The following SLCO1B3 variants were observed in gnomAD, a reference collection of about 807,000 sequenced individuals.
SLCO1B3 encodes the protein solute carrier organic anion transporter family member 1B3, also known as liver-specific organic anion transporter 2.
Under a neutral mutation model 71.8 loss-of-function variants are expected in SLCO1B3, and 72 were observed. The ratio of observed to expected loss-of-function variants is 1.00; its 90% confidence interval spans 0.83 to 1.22. The LOEUF (loss-of-function observed/expected upper bound fraction) is 1.22, where lower values mean the gene tolerates loss of function less well. SLCO1B3 is among the 50% of genes most tolerant of loss of function. The pLI, the probability that SLCO1B3 is intolerant of heterozygous loss-of-function variation, is 0.00. For synonymous variants in SLCO1B3, 298 were observed against 278.4 expected, an observed-to-expected ratio of 1.07 and a Z score of -0.70; for missense variants, 911 against 819.7, an observed-to-expected ratio of 1.11 and a Z score of -1.36.
chr12:20,862,901 A>G, intron 8 of SLCO1B3, 47 bp downstream of exon 8: 1 of 984,474 alleles, frequency 1.0e-6, no homozygotes, highest in Non-Finnish European at 1.6e-6. Flanking sequence ...TTTTAAGTGC[A>G]GGACACCATT....
intron 14 of SLCO1B3, among the ~76,000 whole-genome samples, chr12:20,900,467 C>A (rs1866106663): frequency 6.6e-6 from 1 of 152,070 alleles, no homozygotes; most frequent in Non-Finnish European, 1.5e-5. Flanking sequence ...ATTACCTATT[C>A]TTAAAACTAG....
At chr12:20,825,379 A>G (rs1864399498) in intron 3 of SLCO1B3, among the ~76,000 whole-genome samples, 1 of 152,066 alleles carries the variant, frequency 6.6e-6, no homozygotes, top group African/African-American at 2.4e-5. Flanking sequence ...GTGTCTCATG[A>G]ATGCAGTTTA....
intron 13 of SLCO1B3, among the ~76,000 whole-genome samples, chr12:20,891,748 A>T (rs1051405804): frequency 6.6e-6 from 1 of 151,990 alleles, no homozygotes; most frequent in Admixed American, 6.6e-5. Flanking sequence ...TATTTTTCCT[A>T]CCAAGTTTAT....
At chr12:20,850,268 A>T (rs1336269679) in intron 3 of SLCO1B3, among the ~76,000 whole-genome samples, 1 of 139,612 alleles carries the variant, frequency 7.2e-6, no homozygotes, top group Non-Finnish European at 1.6e-5. Context: ...TTATTTATTT[A>T]TTTATTTATT....
At chr12:20,827,675 G>A (rs932281276) in intron 3 of SLCO1B3, among the ~76,000 whole-genome samples, 2 of 151,946 alleles carry the variant, frequency 1.3e-5, no homozygotes, top group Non-Finnish European at 2.9e-5. Context: ...GGGTTCAAGC[G>A]ATTCTTCTGC....
At chr12:20,836,220 C>T (rs975832523) in intron 3 of SLCO1B3, among the ~76,000 whole-genome samples, 3 of 152,148 alleles carry the variant, frequency 2.0e-5, no homozygotes, top group Non-Finnish European at 4.4e-5. Context: ...GATGAGATTT[C>T]AGTGGGGACG....
chr12:20,845,400 C>A (rs74065203), intron 3 of SLCO1B3: 2 of 192,974 alleles, frequency 1.0e-5, no homozygotes, highest in Non-Finnish European at 2.1e-5. Context: ...GGACTCTCAT[C>A]CCAAGACCTA....
rs370172063 is a variant in SLCO1B3 at position 20,815,860 on chromosome 12, A to G, written c.84+38A>G. On this transcript the variant is annotated intron_variant, in intron 3 of 15. Coordinates refer to ENST00000381545, the MANE Select transcript of SLCO1B3 (RefSeq NM_019844.4). ...TTATATTTTCAAACTAAAATAAGTT[A>G]ATGGAAAATTTTTATGTATAGAAAG... The G allele has an allele frequency of 1.7e-4, 229 of 1,380,924 alleles. No homozygotes were observed. In the African/African-American group the frequency reaches 3.0e-3, roughly 18 times the overall value. 85.5% of individuals were successfully genotyped at this position (1,380,924 alleles called of 1,614,324 possible). A position where few individuals can be genotyped will look rare whatever the true frequency, so the allele number is the denominator to read the frequency against.
At chr12:20,912,934 C>T (rs1866414796) in intron 15 of SLCO1B3, among the ~76,000 whole-genome samples, 1 of 151,846 alleles carries the variant, frequency 6.6e-6, no homozygotes, top group African/African-American at 2.4e-5. Flanking sequence ...GCCTTGGCCT[C>T]CCAAAGTGCT....
chr12:20,916,081 A>C lies in SLCO1B3; in HGVS notation c.1943A>C (p.Lys648Thr), dbSNP rs200774414. The C allele has an allele frequency of 8.1e-6, 13 of 1,613,008 alleles. No individual in the cohort carries two copies. Among genetic ancestry groups the C allele is most frequent in the Non-Finnish European group, 1.0e-5 (12 of 1,179,332 alleles). The change falls in exon 16 of 16, where the codon AAG (lysine) becomes ACG (threonine). Residue 648 changes from lysine (K) to threonine (T), a missense_variant. Coordinates refer to ENST00000381545, the MANE Select transcript of SLCO1B3 (RefSeq NM_019844.4). ...VLYIVFIFAM[K>T]KKFQGKDTKA... Reference sequence around the variant, plus strand: ...TATATTGTTTTCATTTTTGCTATGAAGAAAAAATTTCAAGGAAAAGATACC... The same window carrying C: ...TATATTGTTTTCATTTTTGCTATGACGAAAAAATTTCAAGGAAAAGATACC...
chr12:20,914,571 A>AT (rs1169444163), intron 15 of SLCO1B3, among the ~76,000 whole-genome samples: 1 of 152,058 alleles, frequency 6.6e-6, no homozygotes, highest in African/African-American at 2.4e-5. Flanking sequence ...ATTTAGAATA[A>AT]TTTTTTTATT....
At chr12:20,834,167 C>CTATA (rs10628135) in intron 3 of SLCO1B3, among the ~76,000 whole-genome samples, 110,608 of 144,206 alleles carry the variant, frequency 0.77, 43,676 homozygotes, top group East Asian at 0.91. Context: ...ATATATCAAA[C>CTATA]TATGTATGTA....
At chr12:20,825,233 A>G (rs1864396836) in intron 3 of SLCO1B3, among the ~76,000 whole-genome samples, 2 of 152,248 alleles carry the variant, frequency 1.3e-5, no homozygotes, top group Non-Finnish European at 2.9e-5. Flanking sequence ...TCAAACTATA[A>G]TATTAATGTG....
chr12:20,816,768 C>A (rs756119443), intron 3 of SLCO1B3, among the ~76,000 whole-genome samples: 12 of 152,170 alleles, frequency 7.9e-5, no homozygotes, highest in Non-Finnish European at 1.3e-4. Context: ...CTTGAGGAAC[C>A]TCCAGACTGT....
chr12:20,836,763 T>G (rs552366673), intron 3 of SLCO1B3, among the ~76,000 whole-genome samples: 1 of 152,206 alleles, frequency 6.6e-6, no homozygotes, highest in African/African-American at 2.4e-5. Flanking sequence ...TGCCTCAGCC[T>G]CCTGAGTAGC....
chr12:20,866,445 A>G (rs542708571), intron 8 of SLCO1B3, among the ~76,000 whole-genome samples: 5 of 120,852 alleles, frequency 4.1e-5, no homozygotes, highest in African/African-American at 1.3e-4. Flanking sequence ...TCAGAAAGGC[A>G]TAACTGTAGA....
At chr12:20,884,036 A>G (rs538241500) in intron 13 of SLCO1B3, among the ~76,000 whole-genome samples, 44 of 152,322 alleles carry the variant, frequency 2.9e-4, no homozygotes, top group African/African-American at 8.9e-4. Context: ...AATGCTTTCA[A>G]TTCACCCACA....
At chr12:20,892,182 A>C (rs898882450) in intron 13 of SLCO1B3, among the ~76,000 whole-genome samples, 36 of 152,170 alleles carry the variant, frequency 2.4e-4, no homozygotes, top group Non-Finnish European at 7.4e-5. Flanking sequence ...TAGATAGGCT[A>C]TCTCTCCTTA....
intron 8 of SLCO1B3, among the ~76,000 whole-genome samples, chr12:20,870,679 A>C (rs1267159545): frequency 6.6e-6 from 1 of 152,186 alleles, no homozygotes; most frequent in Non-Finnish European, 1.5e-5. Flanking sequence ...CTGTTGGTCT[A>C]CATATCTATC....
Sources: allele counts gnomAD v4.1 joint callset (sites outside exome capture counted in the v4.1 genomes callset), GRCh38; gene constraint gnomAD v4.1.1; transcripts MANE v1.5; gene names NCBI Gene and HGNC (gene_info 2026-07-23, HGNC 2026-07-21).